The following SEC62 variants were observed in gnomAD, a reference collection of about 807,000 sequenced individuals.
SEC62 encodes SEC62 preprotein translocation factor.
SEC62 carries 10 observed loss-of-function variants against 47.5 expected under a neutral mutation model. The ratio of observed to expected loss-of-function variants is 0.21; its 90% CI spans 0.13 to 0.36. The LOEUF (loss-of-function observed/expected upper bound fraction) is 0.36. SEC62 is among the 10% of genes least tolerant of loss of function. SEC62 has a pLI of 1.00. For missense variants in SEC62, 327 were observed against 464.1 expected (o/e 0.70, Z 2.71); for synonymous variants, 136 against 150.5 (o/e 0.90, Z 0.71).
intron 3 of SEC62, among the ~76,000 whole-genome samples, chr3:169,979,061 A>G (rs1055540231): frequency 1.3e-5 from 2 of 152,194 alleles, no homozygotes; most frequent in African/African-American, 4.8e-5. Flanking sequence ...GAGCCTTGGT[A>G]CCTTGTTATT....
chr3:169,993,154 C>A lies in SEC62; in HGVS notation c.*91C>A. 1.1e-6 allele frequency: 1 copy of A among 921,404 alleles called. No individual in the cohort carries two copies. Among genetic ancestry groups the A allele is most frequent in the Non-Finnish European group, 1.6e-6 (1 of 616,882 alleles). The allele number at this position is 921,404 out of a possible 1,614,324, so 57.1% of individuals were successfully genotyped here. ...CATATTGAACACATGGCATTTGTAG[C>A]ATTCTTTAAATCTATCTACTGAAAT... On this transcript the variant is annotated 3_prime_UTR_variant, in exon 8 of 8. Transcript: ENST00000337002.
intron 7 of SEC62, among the ~76,000 whole-genome samples, chr3:169,991,778 T>C (rs1207631712): frequency 6.6e-6 from 1 of 152,210 alleles, no homozygotes; most frequent in African/African-American, 2.4e-5. Flanking sequence ...AGGGCTAATT[T>C]ATCCTTTAGG....
chr3:169,969,483 G>A, intron 1 of SEC62: 1 of 398,156 alleles, frequency 2.5e-6, no homozygotes, highest in Non-Finnish European at 5.0e-6. Context: ...AAATTTTAGA[G>A]TTTAAAAGGA....
At chr3:169,975,339 C>A (rs1046667402) in intron 1 of SEC62, 4 of 271,916 alleles carry the variant, frequency 1.5e-5, no homozygotes, top group Non-Finnish European at 2.9e-5. Flanking sequence ...AAAGTAGTTA[C>A]CATTGTGGAA....
At position 169,993,792 on chromosome 3, in the gene SEC62, G is replaced by C. The variant is rs1353973809; in HGVS notation, c.*729G>C. On this transcript the variant is annotated 3_prime_UTR_variant, in exon 8 of 8. Transcript: ENST00000337002. ...ATTGGCGTAACGTAAAGTGTATTCT[G>C]TACATAATTTACAAATAAAACATTT... 6.6e-6 allele frequency: 1 copy of C among 152,558 alleles called. No homozygotes were observed. The highest frequency in any genetic ancestry group is 6.5e-5 in the Admixed American group (1 of 15,268). 9.5% of individuals were successfully genotyped at this position (152,558 alleles called of 1,614,324 possible).
intron 4 of SEC62, 66 bp downstream of exon 4, chr3:169,982,977 A>C: frequency 6.5e-7 from 1 of 1,533,312 alleles, no homozygotes; most frequent in Middle Eastern, 2.5e-4. Context: ...CTACTGGCCT[A>C]TGAGCACATT....
intron 5 of SEC62, chr3:169,985,533 G>T: frequency 4.1e-6 from 1 of 242,596 alleles, no homozygotes; most frequent in Non-Finnish European, 7.9e-6. Flanking sequence ...GAGCCACCAA[G>T]CCCAGTCAAA....
chr3:169,983,081 G>A, intron 4 of SEC62, 80 bp from the exon 5 acceptor site: 3 of 1,454,694 alleles, frequency 2.1e-6, no homozygotes, highest in Middle Eastern at 2.1e-4. Flanking sequence ...CAAATAGTCA[G>A]TGAAAGTTTT....
chr3:169,985,912 G>A, intron 6 of SEC62, 47 bp downstream of exon 6: 1 of 1,322,484 alleles, frequency 7.6e-7, no homozygotes, highest in Non-Finnish European at 1.1e-6. Context: ...CTAAAATTTA[G>A]AAAACAATAT....
In SEC62 at chr3:169,972,697, G is replaced by T. The variant is rs530269916; in HGVS notation, c.37-2911G>T. On this transcript the variant is annotated intron_variant, in intron 1 of 7. Transcript: ENST00000337002. ...CCTGCCTCAGCCACCCAAAGTACTG[G>T]GATTACAGGCATGAGCCACCCAACC... 1.0e-3 allele frequency among the ~76,000 whole-genome samples: 157 copies of T among 151,318 alleles called. 1 individual carries two copies. The highest frequency in any genetic ancestry group is 3.7e-3 in the African/African-American group (151 of 41,150).
chr3:169,987,604 G>A (rs2108287125), intron 6 of SEC62, among the ~76,000 whole-genome samples: 1 of 152,298 alleles, frequency 6.6e-6, no homozygotes, highest in African/African-American at 2.4e-5. Flanking sequence ...TAGCTTATAA[G>A]TGATGGAGCT....
At chr3:169,969,433 T>C (rs1197699964) in intron 1 of SEC62, 2 of 442,218 alleles carry the variant, frequency 4.5e-6, no homozygotes, top group African/African-American at 4.0e-5. Context: ...AACAATGTGC[T>C]GCTGCATAGT....
At chr3:169,990,390 A>ACT (rs1482451716) in intron 7 of SEC62, among the ~76,000 whole-genome samples, 4 of 152,210 alleles carry the variant, frequency 2.6e-5, no homozygotes, top group Admixed American at 6.5e-5. Flanking sequence ...AGTTTTCTAA[A>ACT]ATCTGTCGCT....
At chr3:169,977,370 C>CT (rs1342250049) in intron 3 of SEC62, among the ~76,000 whole-genome samples, 1 of 152,026 alleles carries the variant, frequency 6.6e-6, no homozygotes, top group Non-Finnish European at 1.5e-5. Context: ...GTTGAGGAGT[C>CT]TTTTTTTCAA....
Position 169,993,299 on chromosome 3 carries a change from G to A in SEC62, c.*236G>A. ...CATTTGATAATTTTACAGTAAGTAG[G>A]TCTCATTCATTTTGACAGTTATCAA... On this transcript the variant is annotated 3_prime_UTR_variant, in exon 8 of 8. Transcript: ENST00000337002. 1 of 383,698 alleles carries A rather than the reference G, an allele frequency of 2.6e-6. No homozygotes were observed. The highest frequency in any genetic ancestry group is 5.5e-5 in the South Asian group (1 of 18,244). The allele number at this position is 383,698 out of a possible 1,614,324, so 23.8% of individuals were successfully genotyped here. A position where few individuals can be genotyped will look rare whatever the true frequency, so the allele number is the denominator to read the frequency against.
chr3:169,980,831 G>A (rs566361925), intron 3 of SEC62, among the ~76,000 whole-genome samples: 1 of 152,198 alleles, frequency 6.6e-6, no homozygotes, highest in South Asian at 2.1e-4. Flanking sequence ...TTAATATATG[G>A]ACATGTATAT....
intron 6 of SEC62, among the ~76,000 whole-genome samples, chr3:169,986,742 T>C (rs1463196084): frequency 6.6e-6 from 1 of 152,188 alleles, no homozygotes; most frequent in East Asian, 1.9e-4. Context: ...GATTTGCTTG[T>C]TTGTGACAGG....
chr3:169,985,608 T>C, intron 5 of SEC62, 197 bp from the exon 6 acceptor site: 1 of 457,144 alleles, frequency 2.2e-6, no homozygotes, highest in Non-Finnish European at 3.8e-6. Flanking sequence ...TTTATAGTTA[T>C]CCTATAATCA....
At chr3:169,974,460 A>G (rs960004373) in intron 1 of SEC62, among the ~76,000 whole-genome samples, 2 of 152,196 alleles carry the variant, frequency 1.3e-5, no homozygotes, top group Non-Finnish European at 2.9e-5. Context: ...CACAGGAGGA[A>G]TTGTCAAAGA....
Sources: gnomAD v4.1 joint callset for allele counts (sites outside exome capture counted in the v4.1 genomes callset) on GRCh38, gnomAD v4.1.1 for gene constraint, MANE v1.5 for transcripts, NCBI Gene and HGNC (gene_info 2026-07-23, HGNC 2026-07-21) for gene names.